The following KCNH5 variants were observed in gnomAD, a reference collection of about 807,000 sequenced individuals.
KCNH5 encodes voltage-gated delayed rectifier potassium channel KCNH5.
KCNH5 carries 46 observed loss-of-function variants against 96.1 expected under a neutral mutation model. The observed-to-expected ratio is 0.48, with a 90% CI of 0.38 to 0.61. The LOEUF is 0.61. KCNH5 is among the 20% of genes least tolerant of loss of function. The pLI, the probability that KCNH5 is intolerant of heterozygous loss-of-function variation, is 0.00. For missense variants in KCNH5, 907 were observed against 1,225.8 expected (o/e 0.74, Z 3.88); for synonymous variants, 439 against 449.8 (o/e 0.98, Z 0.30).
chr14:62,726,487 C>A (rs547543823), intron 10 of KCNH5, among the ~76,000 whole-genome samples: 1 of 151,664 alleles, frequency 6.6e-6, no homozygotes, highest in East Asian at 1.9e-4. Flanking sequence ...AGCATTTTAC[C>A]ACAAGAAGTC....
intron 10 of KCNH5, among the ~76,000 whole-genome samples, chr14:62,715,300 C>T (rs1884660397): frequency 1.3e-5 from 2 of 152,136 alleles, no homozygotes; most frequent in African/African-American, 4.8e-5. Flanking sequence ...TCAAATGGCT[C>T]ATCACTTTCT....
At chr14:62,743,476 T>A (rs10047942) in intron 10 of KCNH5, among the ~76,000 whole-genome samples, 57,671 of 151,998 alleles carry the variant, frequency 0.38, 11,038 homozygotes, top group South Asian at 0.54. Context: ...ATTTTTATTC[T>A]TGCCTTATTT....
At chr14:62,967,310 G>A (rs999941676) in intron 6 of KCNH5, among the ~76,000 whole-genome samples, 1 of 151,854 alleles carries the variant, frequency 6.6e-6, no homozygotes, top group African/African-American at 2.4e-5. Flanking sequence ...TCAAACTCCT[G>A]GGCTCAAGCA....
In KCNH5 at chr14:62,708,064, T is replaced by G; in HGVS notation, c.2411A>C (p.Lys804Thr). 1 of 1,614,240 alleles carries G rather than the reference T, an allele frequency of 6.2e-7. No homozygotes were observed. The highest frequency in any genetic ancestry group is 2.2e-5 in the East Asian group (1 of 44,888). ...CLKVNSPIRMKNGNGKGWLRL... is the reference protein window; with the variant it reads ...CLKVNSPIRMTNGNGKGWLRL... ...CAGCCACCCTTTTCCATTTCCATTCTTCATTCTTATTGGGCTGTTGACTTT... is the reference window on the plus strand; with the variant it reads ...CAGCCACCCTTTTCCATTTCCATTCGTCATTCTTATTGGGCTGTTGACTTT... The change falls in exon 11 of 11, where the codon AAG becomes ACG. Residue 804 changes from lysine to threonine, a missense_variant. Physicochemically the swap from Lys to Thr is moderately conservative, Grantham distance 78 (BLOSUM62 -1). Coordinates refer to ENST00000322893, the MANE Select transcript of KCNH5 (RefSeq NM_139318.5).
intron 8 of KCNH5, among the ~76,000 whole-genome samples, chr14:62,816,531 T>G (rs1244247503): frequency 6.6e-6 from 1 of 152,006 alleles, no homozygotes; most frequent in Admixed American, 6.6e-5. Context: ...AATATTTGAC[T>G]GAGCTTTCTG....
chr14:62,948,564 G>T (rs373093760), intron 7 of KCNH5, among the ~76,000 whole-genome samples: 3 of 151,638 alleles, frequency 2.0e-5, no homozygotes, highest in Non-Finnish European at 4.4e-5. Context: ...ATTCACAGCC[G>T]AATTCTACCA....
At chr14:62,922,301 G>T (rs1438400984) in intron 7 of KCNH5, among the ~76,000 whole-genome samples, 1 of 151,870 alleles carries the variant, frequency 6.6e-6, no homozygotes, top group Non-Finnish European at 1.5e-5. Flanking sequence ...CATGCACAAA[G>T]ATATGTCAAG....
intron 6 of KCNH5, among the ~76,000 whole-genome samples, chr14:62,964,822 A>G (rs1305529486): frequency 6.6e-6 from 1 of 152,126 alleles, no homozygotes; most frequent in Admixed American, 6.6e-5. Context: ...ATAAGCACCA[A>G]TTATCAAATG....
At chr14:62,820,262 A>C (rs1210851549) in intron 8 of KCNH5, among the ~76,000 whole-genome samples, 1 of 152,172 alleles carries the variant, frequency 6.6e-6, no homozygotes, top group African/African-American at 2.4e-5. Flanking sequence ...AATTAACTTT[A>C]TGAATTGTGA....
chr14:62,977,587 A>AGGG (rs1890526319), intron 6 of KCNH5, among the ~76,000 whole-genome samples: 1 of 152,142 alleles, frequency 6.6e-6, no homozygotes, highest in Admixed American at 6.6e-5. Flanking sequence ...GTGACATGGA[A>AGGG]GCAAATAATA....
intron 10 of KCNH5, among the ~76,000 whole-genome samples, chr14:62,721,814 T>A (rs1884824167): frequency 6.6e-6 from 1 of 152,230 alleles, no homozygotes; most frequent in Non-Finnish European, 1.5e-5. Flanking sequence ...CCAATAGAGC[T>A]ATAGCACTGG....
intron 8 of KCNH5, among the ~76,000 whole-genome samples, chr14:62,805,467 C>A (rs1886747847): frequency 6.6e-6 from 1 of 152,180 alleles, no homozygotes. Context: ...CACCCACTGG[C>A]AAGCACCTTC....
In KCNH5 at chr14:62,820,693, G is replaced by T. The variant is rs115307065; in HGVS notation, c.1570-18112C>A. Among the ~76,000 whole-genome samples the T allele has an allele frequency of 5.6e-3, 846 of 152,190 alleles. 10 individuals carry two copies. The highest frequency in any genetic ancestry group is 0.019 in the African/African-American group (807 of 41,526). On this transcript the variant is annotated intron_variant, in intron 8 of 10. Coordinates refer to ENST00000322893, the MANE Select transcript of KCNH5 (RefSeq NM_139318.5). The stretch of plus-strand genomic sequence containing the variant: ...TCTCATTCTTTTTTATGGTTGCATA[G>T]TATTTCATGGTGCATATGTACCACA...
In KCNH5 at chr14:62,752,912, C is replaced by A. The variant is rs780826187; in HGVS notation, c.2019+26816G>T. ...ATGCAGAACTATGAGTCAAATAAAC[C>A]TCTTTTGTTTATAAATTACCCAGTC... is the stretch of plus-strand genomic sequence containing the variant. On this transcript the variant is annotated intron_variant, in intron 10 of 10. Transcript: ENST00000322893. 3.9e-5 allele frequency among the ~76,000 whole-genome samples: 6 copies of A among 152,256 alleles called. No homozygotes were observed. The East Asian group carries it at 1.2e-3, about 29-fold the overall frequency.
intron 4 of KCNH5, among the ~76,000 whole-genome samples, chr14:62,999,392 T>C (rs537863168): frequency 2.0e-5 from 3 of 152,170 alleles, no homozygotes; most frequent in Non-Finnish European, 4.4e-5. Flanking sequence ...TGTTTGTTTT[T>C]TTCTTGTAAA....
intron 2 of KCNH5, among the ~76,000 whole-genome samples, chr14:63,012,956 G>C (rs1189473335): frequency 2.0e-5 from 3 of 149,664 alleles, no homozygotes; most frequent in Non-Finnish European, 4.4e-5. Flanking sequence ...AACCATAAGA[G>C]GAACAAGGGG....
chr14:62,878,503 TATC>T (rs1888428639), intron 7 of KCNH5, among the ~76,000 whole-genome samples: 1 of 152,182 alleles, frequency 6.6e-6, no homozygotes, highest in East Asian at 1.9e-4. Context: ...CACTTCCAAA[TATC>T]ATTAGACAAA....
intron 10 of KCNH5, among the ~76,000 whole-genome samples, chr14:62,728,429 A>G (rs1489344695): frequency 6.6e-6 from 1 of 151,872 alleles, no homozygotes; most frequent in Non-Finnish European, 1.5e-5. Flanking sequence ...AAGAAACCAA[A>G]ATTGGAAACC....
At chr14:62,932,139 G>A (rs1231553079) in intron 7 of KCNH5, among the ~76,000 whole-genome samples, 4 of 152,108 alleles carry the variant, frequency 2.6e-5, no homozygotes, top group Non-Finnish European at 5.9e-5. Context: ...CAGACAGCCA[G>A]GATTCCGAGG....
Sources: gnomAD v4.1 joint callset for allele counts (sites outside exome capture counted in the v4.1 genomes callset) on GRCh38, gnomAD v4.1.1 for gene constraint, MANE v1.5 for transcripts, NCBI Gene and HGNC (gene_info 2026-07-23, HGNC 2026-07-21) for gene names.